Variants in HSD17B12 observed in about 807,000 individuals in gnomAD.
HSD17B12 encodes the protein very-long-chain 3-oxoacyl-CoA reductase.
A neutral mutation model predicts 39.3 loss-of-function variants in HSD17B12; 32 were observed. The observed-to-expected ratio is 0.81, with a 90% CI of 0.61 to 1.09. The LOEUF (loss-of-function observed/expected upper bound fraction) is 1.09, where lower values mean the gene tolerates loss of function less well. Ranked by LOEUF, HSD17B12 falls within the 50% of genes least tolerant of loss-of-function variation. The pLI is 0.00. For missense variants in HSD17B12, 342 were observed against 382.9 expected (o/e 0.89, Z 0.89); for synonymous variants, 150 against 146.7 (o/e 1.02, Z -0.16).
intron 1 of HSD17B12, among the ~76,000 whole-genome samples, chr11:43,732,826 G>A (rs1355234571): frequency 1.3e-5 from 2 of 152,144 alleles, no homozygotes; most frequent in South Asian, 4.1e-4. Flanking sequence ...AGGCTGAAGT[G>A]CAATGACATG....
At chr11:43,833,605 C>CT (rs2135117916) in intron 7 of HSD17B12, 1 of 152,324 alleles carries the variant, frequency 6.6e-6, no homozygotes, top group African/African-American at 2.4e-5. Flanking sequence ...TGAAAGCATT[C>CT]TTACCTTACA....
At chr11:43,667,847 T>C in the HSD17B12 span, among the ~76,000 whole-genome samples, 1 of 152,214 alleles carries the variant, frequency 6.6e-6, no homozygotes, top group Non-Finnish European at 1.5e-5. Flanking sequence ...GGATTAGGGA[T>C]GCTCAACCTG....
upstream of HSD17B12, among the ~76,000 whole-genome samples, chr11:43,677,396 C>G (rs1057229435): frequency 6.6e-6 from 1 of 152,092 alleles, no homozygotes; most frequent in African/African-American, 2.4e-5. Context: ...AACAAAAACT[C>G]TTGAAGGAAG....
chr11:43,688,367 C>T lies in HSD17B12; in HGVS notation c.160+7380C>T, dbSNP rs114850449. ...TGTGGTATGGGAAGTTCTTCTCTTA[C>T]AGGGACTGAGTGATGGGGTTATTGA... is the stretch of plus-strand genomic sequence containing the variant. On this transcript the variant is annotated intron_variant, in intron 1 of 10. Coordinates refer to ENST00000278353, the MANE Select transcript of HSD17B12 (RefSeq NM_016142.3). Among the ~76,000 whole-genome samples the T allele has an allele frequency of 2.2e-3, 342 of 152,272 alleles. 1 individual carries two copies. Among genetic ancestry groups the T allele is most frequent in the African/African-American group, 7.5e-3 (313 of 41,546 alleles).
chr11:43,852,810 G>A (rs1951544520), intron 9 of HSD17B12: 1 of 152,096 alleles, frequency 6.6e-6, no homozygotes, highest in Admixed American at 6.5e-5. Context: ...CAAATTCTCA[G>A]AAATCAAAAG....
chr11:43,629,686 A>C, the HSD17B12 span, among the ~76,000 whole-genome samples: 3 of 152,178 alleles, frequency 2.0e-5, no homozygotes, highest in Non-Finnish European at 4.4e-5. Context: ...ATTCCTGGTG[A>C]TTGCAGCTTC....
chr11:43,782,007 G>A (rs531055299), intron 3 of HSD17B12, among the ~76,000 whole-genome samples: 19 of 152,246 alleles, frequency 1.2e-4, no homozygotes, highest in African/African-American at 4.6e-4. Context: ...AATTGTTTCT[G>A]TGGGCACATA....
the HSD17B12 span, among the ~76,000 whole-genome samples, chr11:43,618,989 C>T: frequency 1.3e-5 from 2 of 151,176 alleles, no homozygotes; most frequent in South Asian, 4.2e-4. Context: ...ACTGAAGTGA[C>T]TCAGAAGGCA....
intron 1 of HSD17B12, among the ~76,000 whole-genome samples, chr11:43,741,349 G>A (rs1465819902): frequency 6.6e-6 from 1 of 152,072 alleles, no homozygotes; most frequent in Non-Finnish European, 1.5e-5. Flanking sequence ...AAGTGACCTT[G>A]AGAAACACTG....
At chr11:43,685,060 T>C (rs896359715) in intron 1 of HSD17B12, among the ~76,000 whole-genome samples, 7 of 152,390 alleles carry the variant, frequency 4.6e-5, no homozygotes, top group Admixed American at 3.9e-4. Flanking sequence ...AATAATATTC[T>C]GTTTTGTGGA....
the HSD17B12 span, among the ~76,000 whole-genome samples, chr11:43,598,926 C>T: frequency 6.6e-6 from 1 of 152,174 alleles, no homozygotes; most frequent in South Asian, 2.1e-4. Flanking sequence ...AGCAAGTATC[C>T]TTTAGGATAT....
At chr11:43,718,058 GC>G (rs1950141123) in intron 1 of HSD17B12, among the ~76,000 whole-genome samples, 1 of 152,058 alleles carries the variant, frequency 6.6e-6, no homozygotes. Context: ...ACCCGCCTTG[GC>G]CTCCCGAAGT....
the HSD17B12 span, among the ~76,000 whole-genome samples, chr11:43,623,755 A>G: frequency 1.3e-5 from 2 of 152,018 alleles, no homozygotes; most frequent in Non-Finnish European, 2.9e-5. Flanking sequence ...ATTGGTGGTG[A>G]GCTTTTTAAA....
At chr11:43,572,025 G>C in the HSD17B12 span, among the ~76,000 whole-genome samples, 1 of 152,196 alleles carries the variant, frequency 6.6e-6, no homozygotes, top group Non-Finnish European at 1.5e-5. Flanking sequence ...AGGATGACTA[G>C]CTAACTCAAG....
the HSD17B12 span, among the ~76,000 whole-genome samples, chr11:43,653,204 A>C: frequency 6.6e-6 from 1 of 152,156 alleles, no homozygotes; most frequent in Non-Finnish European, 1.5e-5. Context: ...GGGATATGGG[A>C]GTTATGAGCC....
At chr11:43,581,359 G>A in the HSD17B12 span, 1 of 483,738 alleles carries the variant, frequency 2.1e-6, no homozygotes, top group Non-Finnish European at 4.3e-6. The surrounding 1 kb of genome is among the most constrained non-coding windows in gnomAD (Gnocchi z 4.9). Flanking sequence ...ATCCTGGGCT[G>A]AAGGCGGCGG....
chr11:43,751,559 G>T lies in HSD17B12; in HGVS notation c.207+602G>T, dbSNP rs138420048. Among the ~76,000 whole-genome samples the T allele has an allele frequency of 1.8e-4, 28 of 152,230 alleles. No individual in the cohort carries two copies. The East Asian group carries it at 5.2e-3, about 28-fold the overall frequency. ...TGATGAAGTGATCTGGAACAGTGGG[G>T]TGATTCTAATAAAGATCCCAGCAGA... On this transcript the variant is annotated intron_variant, in intron 2 of 10. Transcript: ENST00000278353.
the HSD17B12 span, among the ~76,000 whole-genome samples, chr11:43,638,707 G>T: frequency 6.6e-6 from 1 of 152,022 alleles, no homozygotes; most frequent in Non-Finnish European, 1.5e-5. Flanking sequence ...AATATATCGT[G>T]GTGTTTTAAA....
intron 3 of HSD17B12, among the ~76,000 whole-genome samples, chr11:43,768,817 C>T (rs1365308429): frequency 1.3e-5 from 2 of 152,176 alleles, no homozygotes; most frequent in African/African-American, 4.8e-5. Flanking sequence ...TTTGGCCCCG[C>T]CCATGTCCTG....
Sources: gnomAD v4.1 joint callset for allele counts (sites outside exome capture counted in the v4.1 genomes callset) on GRCh38, gnomAD v4.1.1 for gene constraint, Gnocchi (gnomAD v3.1) non-coding constraint, MANE v1.5 for transcripts, NCBI Gene and HGNC (gene_info 2026-07-23, HGNC 2026-07-21) for gene names.